The following CSMD1 variants were observed in gnomAD, a reference collection of about 807,000 sequenced individuals.
The protein encoded by CSMD1 is CUB and Sushi multiple domains 1.
A neutral mutation model predicts 417.5 loss-of-function variants in CSMD1; 213 were observed. The ratio of observed to expected loss-of-function variants is 0.51; its 90% CI spans 0.46 to 0.57. The LOEUF (loss-of-function observed/expected upper bound fraction) is 0.57, where lower values mean the gene tolerates loss of function less well. CSMD1 is among the 20% of genes least tolerant of loss of function. The pLI, the probability that CSMD1 is intolerant of heterozygous loss-of-function variation, is 0.00. For synonymous variants in CSMD1, 2,862 were observed against 1,736.8 expected, an observed-to-expected ratio of 1.65 and a Z score of -16.11; for missense variants, 6,923 against 4,529.7, an observed-to-expected ratio of 1.53 and a Z score of -15.17.
chr8:3,943,286 G>C (rs2407189), intron 5 of CSMD1, among the ~76,000 whole-genome samples: 86,579 of 151,308 alleles, frequency 0.57, 24,820 homozygotes, highest in East Asian at 0.74. Context: ...TGTATGCAAA[G>C]CACTTTATCA....
intron 2 of CSMD1, among the ~76,000 whole-genome samples, chr8:4,487,285 T>A (rs144137660): frequency 0.011 from 1,646 of 152,296 alleles, 24 homozygotes; most frequent in African/African-American, 0.038. Context: ...ACTCGTCATT[T>A]AGCATTAGGT....
chr8:4,887,514 G>A (rs997074948), intron 1 of CSMD1, among the ~76,000 whole-genome samples: 1 of 151,822 alleles, frequency 6.6e-6, no homozygotes, highest in Non-Finnish European at 1.5e-5. Context: ...AATTCTTCTA[G>A]TTCCTTGTTA....
At chr8:3,376,381 C>G (rs10111775) in intron 18 of CSMD1, among the ~76,000 whole-genome samples, 3,336 of 152,090 alleles carry the variant, frequency 0.022, 124 homozygotes, top group African/African-American at 0.077. Flanking sequence ...GATTATATCT[C>G]ATGGTGACAC....
In CSMD1 at chr8:3,958,396, G is replaced by C. The variant is rs141626302; in HGVS notation, c.818+39507C>G. ...TTTCACTCTCTAGGAAACCAAAAAG[G>C]AGGCAGAAAAAATGGTGAGTTCATG... On this transcript the variant is annotated intron_variant, in intron 5 of 69. Coordinates refer to ENST00000635120, the MANE Select transcript of CSMD1 (RefSeq NM_033225.6). 1.2e-3 allele frequency among the ~76,000 whole-genome samples: 175 copies of C among 151,468 alleles called. 1 individual carries two copies. Among genetic ancestry groups the C allele is most frequent in the Non-Finnish European group, 1.9e-3 (129 of 67,896 alleles).
At chr8:4,156,979 C>T (rs1796870031) in intron 3 of CSMD1, among the ~76,000 whole-genome samples, 1 of 152,076 alleles carries the variant, frequency 6.6e-6, no homozygotes, top group African/African-American at 2.4e-5. Flanking sequence ...GCAGATGATG[C>T]ATACATCCCA....
chr8:3,421,371 G>C (rs143850347), intron 12 of CSMD1, among the ~76,000 whole-genome samples: 5 of 152,286 alleles, frequency 3.3e-5, no homozygotes, highest in Non-Finnish European at 7.4e-5. Context: ...AATGGGCAGA[G>C]ATAAAGGAAT....
intron 5 of CSMD1, among the ~76,000 whole-genome samples, chr8:3,954,774 G>T (rs763769275): frequency 4.0e-5 from 6 of 151,634 alleles, no homozygotes; most frequent in African/African-American, 1.4e-4. Context: ...GCGTAATGTG[G>T]CAGGGAGTTA....
intron 3 of CSMD1, among the ~76,000 whole-genome samples, chr8:4,402,794 TTTTTTC>T (rs1804732288): frequency 1.6e-5 from 2 of 123,010 alleles, no homozygotes; most frequent in African/African-American, 7.5e-5. Flanking sequence ...ATGTCCTCAC[TTTTTTC>T]TTTTTTTTTT....
At chr8:4,532,237 G>A (rs113158979) in intron 2 of CSMD1, among the ~76,000 whole-genome samples, 5 of 147,414 alleles carry the variant, frequency 3.4e-5, no homozygotes, top group East Asian at 2.1e-4. Flanking sequence ...CACTCCGGAA[G>A]AGAAATCCTG....
intron 5 of CSMD1, among the ~76,000 whole-genome samples, chr8:3,807,614 T>C (rs1800821366): frequency 1.3e-5 from 2 of 152,218 alleles, no homozygotes; most frequent in Non-Finnish European, 2.9e-5. Context: ...ATAACATAAT[T>C]GTGTTTCAGT....
At chr8:3,663,304 G>C (rs13277066) in intron 7 of CSMD1, among the ~76,000 whole-genome samples, 1 of 152,296 alleles carries the variant, frequency 6.6e-6, no homozygotes, top group Admixed American at 6.5e-5. Context: ...GTGGGCAGTA[G>C]AATATATTTT....
At chr8:4,299,269 G>A (rs572776268) in intron 3 of CSMD1, among the ~76,000 whole-genome samples, 1 of 152,176 alleles carries the variant, frequency 6.6e-6, no homozygotes, top group Non-Finnish European at 1.5e-5. Context: ...AAAACCGTCG[G>A]ATAAGATAAA....
intron 7 of CSMD1, among the ~76,000 whole-genome samples, chr8:3,694,411 C>T (rs555675929): frequency 6.6e-6 from 1 of 152,234 alleles, no homozygotes; most frequent in East Asian, 1.9e-4. Context: ...GCCTGCTGCA[C>T]ACCAGGGAGT....
intron 8 of CSMD1, among the ~76,000 whole-genome samples, chr8:3,611,964 A>G (rs1227858433): frequency 1.3e-5 from 2 of 152,168 alleles, no homozygotes; most frequent in Non-Finnish European, 2.9e-5. Flanking sequence ...AATTTTTGTT[A>G]TAGTATCAAA....
At chr8:4,558,163 G>A (rs1798177481) in intron 2 of CSMD1, among the ~76,000 whole-genome samples, 1 of 152,112 alleles carries the variant, frequency 6.6e-6, no homozygotes, top group African/African-American at 2.4e-5. Context: ...TGTGGGAAAA[G>A]AGTAACTACA....
chr8:3,240,874 G>T (rs13252404), intron 26 of CSMD1, among the ~76,000 whole-genome samples: 81,978 of 151,832 alleles, frequency 0.54, 22,258 homozygotes, highest in Admixed American at 0.66. Context: ...ATTGTAAGGA[G>T]AGTTTATAGG....
chr8:4,110,843 A>C, intron 3 of CSMD1, among the ~76,000 whole-genome samples: 1 of 152,086 alleles, frequency 6.6e-6, no homozygotes. Context: ...TTTTTAAGGA[A>C]ATCAGAGACT....
chr8:3,423,861 C>T (rs957241847), intron 12 of CSMD1, among the ~76,000 whole-genome samples: 4 of 152,182 alleles, frequency 2.6e-5, no homozygotes, highest in Non-Finnish European at 5.9e-5. Context: ...TCACCTCCAC[C>T]AGTCCTACGG....
chr8:4,055,418 A>C (rs138254516), intron 3 of CSMD1, among the ~76,000 whole-genome samples: 3 of 152,058 alleles, frequency 2.0e-5, no homozygotes, highest in South Asian at 2.1e-4. Flanking sequence ...TAAACTCACT[A>C]AACATTCCAA....
Sources: gnomAD v4.1 joint callset for allele counts (sites outside exome capture counted in the v4.1 genomes callset) on GRCh38, gnomAD v4.1.1 for gene constraint, MANE v1.5 for transcripts, NCBI Gene and HGNC (gene_info 2026-07-23, HGNC 2026-07-21) for gene names.